Variants in GLB1 observed in about 807,000 individuals in gnomAD.
GLB1 encodes the protein galactosidase beta 1.
In GLB1, 56 loss-of-function variants were observed where a neutral mutation model predicts 74.0. That is an observed-to-expected ratio of 0.76 (90% CI 0.61 to 0.94). GLB1 has a LOEUF of 0.94. Among genes scored for constraint, GLB1 ranks in the 40% least tolerant of loss-of-function variants. GLB1 has a pLI of 0.00. For missense variants in GLB1, 787 were observed against 845.5 expected (o/e 0.93, Z 0.86); for synonymous variants, 323 against 323.6 (o/e 1.00, Z 0.02).
At chr3:33,090,700 G>C (rs1385959883) in intron 1 of GLB1, 10 of 985,422 alleles carry the variant, frequency 1.0e-5, no homozygotes, top group Non-Finnish European at 1.1e-5. Flanking sequence ...CCAGAATCTG[G>C]ACAGTGATGG....
At chr3:33,085,955 T>C (rs529597436) in intron 1 of GLB1, among the ~76,000 whole-genome samples, 11 of 150,520 alleles carry the variant, frequency 7.3e-5, no homozygotes, top group African/African-American at 2.7e-4. Flanking sequence ...GGTGCATGCC[T>C]GTAGTCCTAG....
At chr3:32,961,331 G>A in the GLB1 span, among the ~76,000 whole-genome samples, 34 of 152,240 alleles carry the variant, frequency 2.2e-4, no homozygotes, top group African/African-American at 7.0e-4. Context: ...ACCTGTGTGG[G>A]AAAGGGTGAA....
intron 9 of GLB1, among the ~76,000 whole-genome samples, chr3:33,050,048 T>G (rs1220608803): frequency 1.3e-5 from 2 of 152,080 alleles, no homozygotes; most frequent in African/African-American, 2.4e-5. Context: ...CCTCCATGAT[T>G]CAGAGAGAAA....
intron 4 of GLB1, among the ~76,000 whole-genome samples, chr3:33,066,488 T>C (rs1441348548): frequency 6.6e-6 from 1 of 152,118 alleles, no homozygotes. Flanking sequence ...TCACCAGATA[T>C]AGCCCCTCCA....
chr3:33,049,541 C>T (rs1322704130), intron 9 of GLB1, among the ~76,000 whole-genome samples: 4 of 152,096 alleles, frequency 2.6e-5, no homozygotes, highest in African/African-American at 7.2e-5. Flanking sequence ...CTCAGTCTCC[C>T]GAGTAGCTGG....
chr3:32,981,354 C>T, the GLB1 span, among the ~76,000 whole-genome samples: 292 of 141,500 alleles, frequency 2.1e-3, no homozygotes, highest in African/African-American at 6.8e-3. Context: ...GAGCCGAGAC[C>T]GCACCATTGC....
At chr3:32,992,139 C>T (rs181976341), downstream of GLB1, among the ~76,000 whole-genome samples, 9 of 152,336 alleles carry the variant, frequency 5.9e-5, no homozygotes, top group Admixed American at 1.3e-4. Context: ...GAGTCTTTTC[C>T]GTAGGCTCAC....
At chr3:32,978,856 T>C in the GLB1 span, among the ~76,000 whole-genome samples, 4 of 149,450 alleles carry the variant, frequency 2.7e-5, no homozygotes, top group Non-Finnish European at 3.0e-5. Flanking sequence ...CACGTCTCGG[T>C]TCAGGTGATT....
chr3:33,023,874 G>C, intron 11 of GLB1, among the ~76,000 whole-genome samples: 1 of 152,112 alleles, frequency 6.6e-6, no homozygotes, highest in East Asian at 1.9e-4. Flanking sequence ...TGATTTTGGG[G>C]AACTCCTAAA....
At chr3:33,084,419 G>A (rs541433229) in intron 1 of GLB1, among the ~76,000 whole-genome samples, 1 of 152,334 alleles carries the variant, frequency 6.6e-6, no homozygotes, top group South Asian at 2.1e-4. Context: ...AGATAGGCTG[G>A]AGAAGGAAAA....
At chr3:33,031,057 A>AG (rs1484309182) in intron 10 of GLB1, among the ~76,000 whole-genome samples, 1 of 152,190 alleles carries the variant, frequency 6.6e-6, no homozygotes, top group Non-Finnish European at 1.5e-5. Flanking sequence ...GATTCATATG[A>AG]AGACAACCGC....
intron 1 of GLB1, chr3:33,077,021 C>G (rs1700133392): frequency 8.0e-7 from 1 of 1,251,288 alleles, no homozygotes; most frequent in South Asian, 1.4e-5. Flanking sequence ...CCCAGGAGTT[C>G]AAGACCAGTC....
chr3:32,987,425 C>T, the GLB1 span, among the ~76,000 whole-genome samples: 1 of 152,184 alleles, frequency 6.6e-6, no homozygotes. Context: ...GCCCTGCACC[C>T]TTCCCTCACT....
At chr3:33,056,495 C>G (rs1699229687) in intron 6 of GLB1, among the ~76,000 whole-genome samples, 1 of 151,928 alleles carries the variant, frequency 6.6e-6, no homozygotes, top group Non-Finnish European at 1.5e-5. Flanking sequence ...CTCACCGCAG[C>G]CTTGAACTCG....
downstream of GLB1, among the ~76,000 whole-genome samples, chr3:32,993,306 G>A (rs1696256682): frequency 6.6e-6 from 1 of 152,098 alleles, no homozygotes; most frequent in South Asian, 2.1e-4. Flanking sequence ...GTGTAAGGTG[G>A]AGAAGGGAAG....
At chr3:33,057,605 G>A (rs1004353008) in intron 6 of GLB1, among the ~76,000 whole-genome samples, 1 of 152,200 alleles carries the variant, frequency 6.6e-6, no homozygotes, top group Admixed American at 6.5e-5. Flanking sequence ...TCTAAGTTAT[G>A]CAGAAAGACA....
At chr3:32,980,642 A>G in the GLB1 span, among the ~76,000 whole-genome samples, 5 of 151,996 alleles carry the variant, frequency 3.3e-5, no homozygotes, top group African/African-American at 1.2e-4. Context: ...TTAGCCAGGC[A>G]TGGTGGCGTG....
At chr3:33,011,488 A>T (rs1027464441) in intron 15 of GLB1, among the ~76,000 whole-genome samples, 7 of 150,524 alleles carry the variant, frequency 4.7e-5, no homozygotes, top group African/African-American at 1.5e-4. Context: ...TAAAAATAAT[A>T]AAAAAAATTA....
At chr3:32,990,855 T>A in the GLB1 span, among the ~76,000 whole-genome samples, 432 of 152,124 alleles carry the variant, frequency 2.8e-3, 3 homozygotes, top group African/African-American at 0.01. Flanking sequence ...GTGCCTGTAG[T>A]CCCAGCTACT....
Sources: gnomAD v4.1 joint callset for allele counts (sites outside exome capture counted in the v4.1 genomes callset) on GRCh38, gnomAD v4.1.1 for gene constraint, MANE v1.5 for transcripts, NCBI Gene and HGNC (gene_info 2026-07-23, HGNC 2026-07-21) for gene names.